ZMAT4: variants seen among roughly 807,000 people sequenced by gnomAD.
ZMAT4 encodes zinc finger matrin-type protein 4.
In ZMAT4, 17 loss-of-function variants were observed where a neutral mutation model predicts 28.7. The observed-to-expected ratio is 0.59, with a 90% CI of 0.41 to 0.89. The LOEUF is 0.89. Ranked by LOEUF, ZMAT4 falls within the 40% of genes least tolerant of loss-of-function variation. The pLI, the probability that ZMAT4 is intolerant of heterozygous loss-of-function variation, is 0.00. For missense variants in ZMAT4, 240 were observed against 283.8 expected (o/e 0.85, Z 1.11); for synonymous variants, 117 against 109.2 (o/e 1.07, Z -0.44).
chr8:40,817,559 G>A (rs1289763034), intron 2 of ZMAT4, among the ~76,000 whole-genome samples: 2 of 152,190 alleles, frequency 1.3e-5, no homozygotes, highest in African/African-American at 4.8e-5. Context: ...GTGGACCAGC[G>A]ATTTCTCTTT....
chr8:40,809,609 A>G (rs1815239340), intron 2 of ZMAT4, among the ~76,000 whole-genome samples: 1 of 152,258 alleles, frequency 6.6e-6, no homozygotes. Context: ...TTTAAGAATC[A>G]AATCACACAA....
At chr8:40,544,681 G>A (rs777580755) in intron 6 of ZMAT4, among the ~76,000 whole-genome samples, 2 of 152,068 alleles carry the variant, frequency 1.3e-5, no homozygotes, top group Admixed American at 6.6e-5. Context: ...AAACACTGTC[G>A]TTTTGTACCA....
intron 2 of ZMAT4, among the ~76,000 whole-genome samples, chr8:40,787,028 T>C (rs991430966): frequency 1.3e-5 from 2 of 152,330 alleles, no homozygotes; most frequent in South Asian, 4.1e-4. Context: ...TGTAAAATGC[T>C]GACTAATATA....
chr8:40,612,898 C>T (rs1228063611), intron 5 of ZMAT4, among the ~76,000 whole-genome samples: 11 of 151,034 alleles, frequency 7.3e-5, no homozygotes, highest in African/African-American at 2.2e-4. Context: ...CTGCAACCTC[C>T]GCCTGCCAGG....
intron 4 of ZMAT4, among the ~76,000 whole-genome samples, chr8:40,695,957 G>A (rs892118084): frequency 3.9e-5 from 6 of 152,044 alleles, no homozygotes; most frequent in African/African-American, 1.2e-4. Context: ...TGGAAAACAG[G>A]TAAAAATTTT....
At chr8:40,664,043 G>A (rs1808304988) in intron 5 of ZMAT4, among the ~76,000 whole-genome samples, 1 of 152,192 alleles carries the variant, frequency 6.6e-6, no homozygotes, top group South Asian at 2.1e-4. Flanking sequence ...AGAATGTGGA[G>A]TGTAGTTTTT....
chr8:40,625,823 C>A (rs921752307), intron 5 of ZMAT4, among the ~76,000 whole-genome samples: 1 of 53,454 alleles, frequency 1.9e-5, no homozygotes, highest in African/African-American at 5.6e-5. Context: ...AAAGACCAGA[C>A]TGGGGGGCTG....
At chr8:40,700,941 C>A (rs1466299856) in intron 3 of ZMAT4, among the ~76,000 whole-genome samples, 2 of 152,080 alleles carry the variant, frequency 1.3e-5, no homozygotes, top group African/African-American at 2.4e-5. Flanking sequence ...ATTTACCACA[C>A]TGGAGGACCT....
At chr8:40,793,138 C>A (rs927012643) in intron 2 of ZMAT4, among the ~76,000 whole-genome samples, 1 of 152,126 alleles carries the variant, frequency 6.6e-6, no homozygotes, top group African/African-American at 2.4e-5. Context: ...TTAATTGCAG[C>A]AAATGTGCCA....
At chr8:40,870,491 A>T (rs1005559510) in intron 1 of ZMAT4, among the ~76,000 whole-genome samples, 6 of 152,202 alleles carry the variant, frequency 3.9e-5, no homozygotes, top group Non-Finnish European at 7.3e-5. Flanking sequence ...TCCCCTATAC[A>T]CACAGCTTAA....
At chr8:40,848,770 T>C (rs75775456) in intron 1 of ZMAT4, among the ~76,000 whole-genome samples, 3,659 of 152,338 alleles carry the variant, frequency 0.024, 109 homozygotes, top group Admixed American at 0.089. Context: ...CTACCAGTAC[T>C]ATTACTCTTG....
At chr8:40,626,541 G>A (rs766257392) in intron 5 of ZMAT4, among the ~76,000 whole-genome samples, 36 of 152,208 alleles carry the variant, frequency 2.4e-4, no homozygotes, top group Non-Finnish European at 4.7e-4. Context: ...CCAGATTCTG[G>A]ACCTGTCTCA....
At position 40,674,737 on chromosome 8, in the gene ZMAT4, G is replaced by A; in HGVS notation, c.544C>T (p.Leu182=). The part of the protein sequence containing the change: ...NAARVALLEQ[L]GTTLDMGELR... ...TCCCCCATATCCAGGGTTGTCCCCAGTTGTTCTAACAAAGCAACTCTTGCC... is the reference window on the plus strand; with the variant it reads ...TCCCCCATATCCAGGGTTGTCCCCAATTGTTCTAACAAAGCAACTCTTGCC... Residue 182 remains leucine (L), a synonymous_variant, in exon 5 of 7, where the codon CTG becomes TTG. Coordinates refer to ENST00000297737, the MANE Select transcript of ZMAT4 (RefSeq NM_024645.3). 1.9e-6 allele frequency: 3 copies of A among 1,613,912 alleles called. No individual in the cohort carries two copies. The highest frequency in any genetic ancestry group is 2.5e-6 in the Non-Finnish European group (3 of 1,179,884).
intron 2 of ZMAT4, among the ~76,000 whole-genome samples, chr8:40,773,750 T>C (rs1398895234): frequency 6.6e-6 from 1 of 152,142 alleles, no homozygotes; most frequent in Non-Finnish European, 1.5e-5. Context: ...CATAGCTTTA[T>C]CTTGAAGGTC....
At chr8:40,536,885 C>A (rs1046444408) in intron 6 of ZMAT4, among the ~76,000 whole-genome samples, 11 of 147,218 alleles carry the variant, frequency 7.5e-5, no homozygotes, top group Admixed American at 6.7e-4. Flanking sequence ...TGAATGTCAG[C>A]GGGATGAGGG....
chr8:40,617,881 T>C (rs940388544), intron 5 of ZMAT4, among the ~76,000 whole-genome samples: 4 of 152,194 alleles, frequency 2.6e-5, no homozygotes, highest in Non-Finnish European at 4.4e-5. Flanking sequence ...ACATGCAATG[T>C]TTTGCTTTTT....
At chr8:40,870,963 C>T (rs989176131) in intron 1 of ZMAT4, among the ~76,000 whole-genome samples, 20 of 152,338 alleles carry the variant, frequency 1.3e-4, no homozygotes, top group Admixed American at 4.6e-4. Flanking sequence ...CATCACTCTT[C>T]TCTCTCTTTA....
At chr8:40,625,263 A>G (rs1311125852) in intron 5 of ZMAT4, among the ~76,000 whole-genome samples, 2 of 146,380 alleles carry the variant, frequency 1.4e-5, no homozygotes, top group African/African-American at 4.9e-5. Context: ...GGAGGCAGGA[A>G]GGAGCTAGAT....
chr8:40,690,712 AC>A lies in ZMAT4; in HGVS notation c.349+6532del, dbSNP rs542816267. Among the ~76,000 whole-genome samples the A allele has an allele frequency of 3.2e-3, 486 of 152,262 alleles. 3 individuals are homozygous for A. The highest frequency in any genetic ancestry group is 9.9e-3 in the African/African-American group (411 of 41,562). ...TGTAACTTTCAAGCAGATATAGACT[AC>A]CCTGATCTTTACTTATTCAACAGAG... On this transcript the variant is annotated intron_variant, in intron 4 of 6. Coordinates refer to ENST00000297737, the MANE Select transcript of ZMAT4 (RefSeq NM_024645.3).
Sources: gnomAD v4.1 joint callset for allele counts (sites outside exome capture counted in the v4.1 genomes callset) on GRCh38, gnomAD v4.1.1 for gene constraint, MANE v1.5 for transcripts, NCBI Gene and HGNC (gene_info 2026-07-23, HGNC 2026-07-21) for gene names.